PDSS2: variants seen among roughly 807,000 people sequenced by gnomAD.
PDSS2 encodes the protein decaprenyl diphosphate synthase subunit 2.
A neutral mutation model predicts 44.5 loss-of-function variants in PDSS2; 31 were observed. The ratio of observed to expected loss-of-function variants is 0.70; its 90% CI spans 0.52 to 0.94. The LOEUF (loss-of-function observed/expected upper bound fraction) is 0.94. PDSS2 is among the 40% of genes least tolerant of loss of function. PDSS2 has a pLI of 0.00. For synonymous variants in PDSS2, 157 were observed against 180.3 expected, an observed-to-expected ratio of 0.87 and a Z score of 1.03; for missense variants, 452 against 482.2, an observed-to-expected ratio of 0.94 and a Z score of 0.59.
intron 2 of PDSS2, among the ~76,000 whole-genome samples, chr6:107,297,446 G>A (rs1280589202): frequency 2.7e-5 from 4 of 149,914 alleles, no homozygotes; most frequent in South Asian, 4.2e-4. Context: ...GCAGTGGTGC[G>A]ATCTCGGCTC....
intron 4 of PDSS2, among the ~76,000 whole-genome samples, chr6:107,239,901 C>T (rs1774361165): frequency 6.6e-6 from 1 of 152,006 alleles, no homozygotes; most frequent in Non-Finnish European, 1.5e-5. Context: ...CTCAGCCTCC[C>T]AAAGTGTTGG....
intron 1 of PDSS2, among the ~76,000 whole-genome samples, chr6:107,359,549 G>A (rs1227765548): frequency 7.9e-5 from 12 of 151,274 alleles, no homozygotes; most frequent in African/African-American, 2.4e-4. Context: ...GCTTGGGCCC[G>A]GGAAGCGGAG....
intron 1 of PDSS2, among the ~76,000 whole-genome samples, chr6:107,411,886 T>C (rs1328508177): frequency 4.5e-4 from 65 of 144,952 alleles, no homozygotes; most frequent in Non-Finnish European, 5.6e-4. Flanking sequence ...CTTCTTTTTT[T>C]TTTTTTTTTT....
intron 1 of PDSS2, among the ~76,000 whole-genome samples, chr6:107,429,980 C>T (rs1442707436): frequency 7.2e-6 from 1 of 139,800 alleles, no homozygotes; most frequent in African/African-American, 2.6e-5. Flanking sequence ...TCTGTCATCC[C>T]CAAATGTCTC....
intron 1 of PDSS2, among the ~76,000 whole-genome samples, chr6:107,401,304 T>C (rs1315673002): frequency 6.6e-6 from 1 of 152,188 alleles, no homozygotes; most frequent in African/African-American, 2.4e-5. Context: ...GCTGCTGCAT[T>C]AAGGCTTTTT....
chr6:107,175,782 A>G (rs941799005), intron 7 of PDSS2, among the ~76,000 whole-genome samples: 1 of 152,234 alleles, frequency 6.6e-6, no homozygotes, highest in Non-Finnish European at 1.5e-5. Context: ...GCATATCTCA[A>G]TTGATTAAGT....
At chr6:107,448,982 T>C (rs964911439) in intron 1 of PDSS2, among the ~76,000 whole-genome samples, 1 of 152,180 alleles carries the variant, frequency 6.6e-6, no homozygotes, top group Non-Finnish European at 1.5e-5. Context: ...TACCACCCAC[T>C]GAGTCCCTCC....
intron 1 of PDSS2, among the ~76,000 whole-genome samples, chr6:107,336,083 C>T (rs1777881626): frequency 2.0e-5 from 3 of 151,598 alleles, no homozygotes; most frequent in South Asian, 2.1e-4. Flanking sequence ...GGCGAAACTC[C>T]GTCTCTACTA....
chr6:107,273,953 C>G, intron 3 of PDSS2, 76 bp downstream of exon 3: 1 of 1,135,622 alleles, frequency 8.8e-7, no homozygotes, highest in Non-Finnish European at 1.3e-6. Flanking sequence ...GCCGGGCACA[C>G]AGACCTGCAG....
At chr6:107,175,050 A>G (rs555091643) in intron 7 of PDSS2, among the ~76,000 whole-genome samples, 4 of 152,014 alleles carry the variant, frequency 2.6e-5, no homozygotes, top group Non-Finnish European at 5.9e-5. Context: ...TGTTTCTACT[A>G]AAAATACAAA....
intron 4 of PDSS2, among the ~76,000 whole-genome samples, chr6:107,220,615 A>G (rs1773570280): frequency 6.6e-6 from 1 of 152,124 alleles, no homozygotes; most frequent in Admixed American, 6.5e-5. Flanking sequence ...TGTTTATTAC[A>G]TATTTCTTAC....
chr6:107,459,010 G>A lies in PDSS2; in HGVS notation c.276C>T (p.His92=), dbSNP rs762181969. Residue 92 remains histidine, a synonymous_variant, in exon 1 of 8, where the codon CAC becomes CAT. Coordinates refer to ENST00000369037, the MANE Select transcript of PDSS2 (RefSeq NM_020381.4). This position sits in a 1 kb window ranked among gnomAD's most constrained non-coding sequence, Gnocchi z 4.3. The part of the protein sequence containing the change: ...MQVRKLVGTQ[H]PLLTTARGLV... ...CTCACCTGGCTGTGGTAAGCAGAGG[G>A]TGCTGAGTGCCCACCAGCTTCCGCA... is the stretch of plus-strand genomic sequence containing the variant. The A allele has an allele frequency of 5.5e-5, 89 of 1,614,016 alleles. No individual in the cohort carries two copies. Among genetic ancestry groups the A allele is most frequent in the Non-Finnish European group, 7.5e-5 (89 of 1,180,010 alleles).
chr6:107,231,061 T>A lies in PDSS2; in HGVS notation c.702+14487A>T, dbSNP rs182612416. Among the ~76,000 whole-genome samples, 346 of 151,326 alleles carry A rather than the reference T, an allele frequency of 2.3e-3. 1 individual carries two copies. Among genetic ancestry groups the A allele is most frequent in the Middle Eastern group, 3.4e-3 (1 of 294 alleles). On this transcript the variant is annotated intron_variant, in intron 4 of 7. Coordinates refer to ENST00000369037, the MANE Select transcript of PDSS2 (RefSeq NM_020381.4). The stretch of plus-strand genomic sequence containing the variant: ...CCATCTCTATTTAAATTAAAAAAAA[T>A]TTTTTTAAAGAATTCAGGAATGGCT...
At chr6:107,219,474 G>T (rs1255382854) in intron 4 of PDSS2, among the ~76,000 whole-genome samples, 1 of 152,094 alleles carries the variant, frequency 6.6e-6, no homozygotes, top group African/African-American at 2.4e-5. Flanking sequence ...TTTTAGTAGA[G>T]ACGATTTTCG....
chr6:107,337,839 C>T (rs895340717), intron 1 of PDSS2, among the ~76,000 whole-genome samples: 1 of 152,090 alleles, frequency 6.6e-6, no homozygotes, highest in African/African-American at 2.4e-5. Flanking sequence ...TCATTATTAT[C>T]ATTATCTCAA....
Position 107,154,725 on chromosome 6 carries a change from CA to C in PDSS2, c.1093del (p.Cys365ValfsTer24). On this transcript the variant is annotated frameshift_variant, in exon 8 of 8. Coordinates refer to ENST00000369037, the MANE Select transcript of PDSS2 (RefSeq NM_020381.4). LOFTEE classifies it high-confidence loss of function. Reference protein sequence around the residue: ...GKGVTSAIDLCRYHGNKALEA... With the variant: ...GKGVTSAIDLXRYHGNKALEA... ...CAGTGCCTTGTTTCCATGGTAACGACACAGGTCAATAGCTGAAGTCACACCT... is the reference window on the plus strand; with the variant it reads ...CAGTGCCTTGTTTCCATGGTAACGACCAGGTCAATAGCTGAAGTCACACCT... 1 of 1,614,104 alleles carries C rather than the reference CA, an allele frequency of 6.2e-7. No homozygotes were observed. Among genetic ancestry groups the C allele is most frequent in the African/African-American group, 1.3e-5 (1 of 75,036 alleles).
chr6:107,178,055 T>C (rs1413897250), intron 7 of PDSS2, among the ~76,000 whole-genome samples: 1 of 152,186 alleles, frequency 6.6e-6, no homozygotes, highest in African/African-American at 2.4e-5. Context: ...TGTGCTTTAG[T>C]ATTTGGATGC....
At chr6:107,182,481 C>T (rs772128933) in intron 7 of PDSS2, among the ~76,000 whole-genome samples, 15 of 152,192 alleles carry the variant, frequency 9.9e-5, no homozygotes, top group Non-Finnish European at 2.1e-4. Context: ...CCCGCCACCA[C>T]ACCAGGCTAA....
chr6:107,417,158 T>C (rs1780687160), intron 1 of PDSS2, among the ~76,000 whole-genome samples: 1 of 152,052 alleles, frequency 6.6e-6, no homozygotes, highest in Non-Finnish European at 1.5e-5. Flanking sequence ...TAAGGATTAA[T>C]AAGAAACAAG....
Sources: allele counts gnomAD v4.1 joint callset (sites outside exome capture counted in the v4.1 genomes callset), GRCh38; gene constraint gnomAD v4.1.1; non-coding constraint Gnocchi (gnomAD v3.1); transcripts MANE v1.5; gene names NCBI Gene and HGNC (gene_info 2026-07-23, HGNC 2026-07-21).